Variants in ZCWPW2 observed in about 807,000 individuals in gnomAD.
ZCWPW2 encodes the protein zinc finger CW-type and PWWP domain containing 2, also known as zinc finger CW-type PWWP domain protein 2.
ZCWPW2 carries 45 observed loss-of-function variants against 46.6 expected under a neutral mutation model. That is an observed-to-expected ratio of 0.96 (90% CI 0.76 to 1.24). ZCWPW2 has a LOEUF of 1.24. Ranked by LOEUF, ZCWPW2 falls within the 50% of genes most tolerant of loss-of-function variation. The pLI, the probability that ZCWPW2 is intolerant of heterozygous loss-of-function variation, is 0.00. For synonymous variants in ZCWPW2, 152 were observed against 137.1 expected (o/e 1.11, Z -0.76); for missense variants, 429 against 403.9 (o/e 1.06, Z -0.53).
At chr3:28,455,983 A>G (rs1476890796) in intron 4 of ZCWPW2, among the ~76,000 whole-genome samples, 2 of 152,174 alleles carry the variant, frequency 1.3e-5, no homozygotes, top group Non-Finnish European at 2.9e-5. Context: ...TTTCAGCTCC[A>G]TATGAATTTT....
chr3:28,368,918 A>G (rs564034759), intron 1 of ZCWPW2, among the ~76,000 whole-genome samples: 1 of 152,058 alleles, frequency 6.6e-6, no homozygotes, highest in Non-Finnish European at 1.5e-5. Flanking sequence ...TTGATCTTCC[A>G]TTACTGATAC....
chr3:28,467,380 C>G (rs1310331071), intron 4 of ZCWPW2, among the ~76,000 whole-genome samples: 1 of 151,828 alleles, frequency 6.6e-6, no homozygotes, highest in African/African-American at 2.4e-5. Context: ...AAGAAAAAGA[C>G]CATTATACGT....
chr3:28,434,676 A>G (rs1697411453), intron 3 of ZCWPW2, among the ~76,000 whole-genome samples: 1 of 152,218 alleles, frequency 6.6e-6, no homozygotes, highest in Non-Finnish European at 1.5e-5. Flanking sequence ...CTGGCTCAGG[A>G]AATACCAGCT....
intron 4 of ZCWPW2, among the ~76,000 whole-genome samples, chr3:28,456,581 C>T (rs1260325281): frequency 6.6e-6 from 1 of 152,062 alleles, no homozygotes; most frequent in African/African-American, 2.4e-5. Flanking sequence ...CCAGCTTTTG[C>T]ATTCAGTATG....
chr3:28,432,272 C>A (rs1217130106), intron 3 of ZCWPW2, among the ~76,000 whole-genome samples: 3 of 152,162 alleles, frequency 2.0e-5, no homozygotes, highest in Non-Finnish European at 4.4e-5. Flanking sequence ...TTGGAAAAAT[C>A]TAAGCATTCT....
intron 4 of ZCWPW2, among the ~76,000 whole-genome samples, chr3:28,459,301 C>T (rs1456467097): frequency 4.6e-5 from 7 of 151,630 alleles, no homozygotes; most frequent in African/African-American, 9.7e-5. Context: ...ACCCGGGAGG[C>T]GGAGGTGGCA....
At chr3:28,505,211 C>T (rs1700244197) in intron 6 of ZCWPW2, among the ~76,000 whole-genome samples, 1 of 152,086 alleles carries the variant, frequency 6.6e-6, no homozygotes, top group Non-Finnish European at 1.5e-5. Flanking sequence ...TTGATAAGCC[C>T]CTCAAAGCAG....
chr3:28,490,277 TAAAAC>T (rs1242258372), intron 5 of ZCWPW2, among the ~76,000 whole-genome samples: 1 of 152,094 alleles, frequency 6.6e-6, no homozygotes, highest in Non-Finnish European at 1.5e-5. Context: ...TCAAAGAACT[TAAAAC>T]AGAACCATCA....
At chr3:28,511,354 T>C (rs1700421002) in intron 6 of ZCWPW2, among the ~76,000 whole-genome samples, 1 of 152,124 alleles carries the variant, frequency 6.6e-6, no homozygotes, top group African/African-American at 2.4e-5. Flanking sequence ...GTAAACAAGA[T>C]TTTAAATGGA....
chr3:28,403,933 T>C (rs1696050109), intron 2 of ZCWPW2, among the ~76,000 whole-genome samples: 1 of 152,148 alleles, frequency 6.6e-6, no homozygotes, highest in Non-Finnish European at 1.5e-5. Flanking sequence ...CCTGAAACTA[T>C]AAAAATTCTA....
At chr3:28,432,306 A>C (rs1447957547) in intron 3 of ZCWPW2, among the ~76,000 whole-genome samples, 1 of 152,140 alleles carries the variant, frequency 6.6e-6, no homozygotes. Flanking sequence ...CTGAACTATA[A>C]CATGTGGGGG....
chr3:28,439,192 A>T (rs1697630385), intron 4 of ZCWPW2, among the ~76,000 whole-genome samples: 1 of 148,544 alleles, frequency 6.7e-6, no homozygotes, highest in Admixed American at 6.6e-5. Context: ...TTTATTAAGT[A>T]TTAACTTACA....
At chr3:28,523,188 A>AT (rs1700768894) in intron 9 of ZCWPW2, among the ~76,000 whole-genome samples, 1 of 152,118 alleles carries the variant, frequency 6.6e-6, no homozygotes, top group South Asian at 2.1e-4. Flanking sequence ...AAAATTAGCA[A>AT]TTTTAACTGG....
intron 1 of ZCWPW2, among the ~76,000 whole-genome samples, chr3:28,389,065 A>G (rs755313373): frequency 1.5e-4 from 23 of 152,148 alleles, no homozygotes; most frequent in African/African-American, 4.6e-4. Flanking sequence ...TTCCAGTTCA[A>G]TGGAATCATT....
intron 6 of ZCWPW2, among the ~76,000 whole-genome samples, chr3:28,504,012 A>G (rs751917918): frequency 1.3e-5 from 2 of 151,896 alleles, no homozygotes; most frequent in African/African-American, 4.8e-5. Flanking sequence ...CCTGGGTAAC[A>G]TCGTGAAACT....
intron 4 of ZCWPW2, among the ~76,000 whole-genome samples, chr3:28,435,808 T>C (rs1222030036): frequency 2.6e-5 from 4 of 152,124 alleles, no homozygotes; most frequent in African/African-American, 9.7e-5. Flanking sequence ...TTTCTAATGG[T>C]AATATAATAA....
intron 6 of ZCWPW2, among the ~76,000 whole-genome samples, chr3:28,512,681 C>G (rs542500592): frequency 6.6e-6 from 1 of 152,206 alleles, no homozygotes; most frequent in South Asian, 2.1e-4. Context: ...AATCTACCTT[C>G]CAGAATAGTT....
At chr3:28,430,214 G>T (rs889775101) in intron 3 of ZCWPW2, among the ~76,000 whole-genome samples, 6 of 152,354 alleles carry the variant, frequency 3.9e-5, no homozygotes, top group African/African-American at 1.4e-4. Context: ...GGGTGGAGCT[G>T]CCCAAGGCTG....
At chr3:28,446,506 A>G (rs1167604695) in intron 4 of ZCWPW2, among the ~76,000 whole-genome samples, 1 of 152,094 alleles carries the variant, frequency 6.6e-6, no homozygotes, top group Non-Finnish European at 1.5e-5. Flanking sequence ...ACTAAAACTT[A>G]ATAGTATGCA....
Sources: gnomAD v4.1 joint callset for allele counts (sites outside exome capture counted in the v4.1 genomes callset) on GRCh38, gnomAD v4.1.1 for gene constraint, MANE v1.5 for transcripts, NCBI Gene and HGNC (gene_info 2026-07-23, HGNC 2026-07-21) for gene names.